Variants in TRAPPC12 observed in about 807,000 individuals in gnomAD.
TRAPPC12 encodes TPR repeat protein 15.
A neutral mutation model predicts 69.2 loss-of-function variants in TRAPPC12; 61 were observed. The observed-to-expected ratio is 0.88, with a 90% CI of 0.72 to 1.09. The LOEUF (loss-of-function observed/expected upper bound fraction) is 1.09, where lower values mean the gene tolerates loss of function less well. Ranked by LOEUF, TRAPPC12 falls within the 50% of genes least tolerant of loss-of-function variation. The pLI, the probability that TRAPPC12 is intolerant of heterozygous loss-of-function variation, is 0.00. For missense variants in TRAPPC12, 1,101 were observed against 1,016.4 expected, an observed-to-expected ratio of 1.08 and a Z score of -1.13; for synonymous variants, 469 against 438.9, an observed-to-expected ratio of 1.07 and a Z score of -0.86.
chr2:3,426,678 C>T (rs1346405793), intron 5 of TRAPPC12, among the ~76,000 whole-genome samples: 1 of 152,262 alleles, frequency 6.6e-6, no homozygotes, highest in African/African-American at 2.4e-5. Context: ...TTACCTCTTC[C>T]CTGGGGTATT....
intron 7 of TRAPPC12, chr2:3,458,035 C>G (rs538769647): frequency 9.4e-7 from 1 of 1,062,138 alleles, no homozygotes; most frequent in Non-Finnish European, 1.1e-6. Flanking sequence ...GCCTCTGCGT[C>G]GGGGAGAGAG....
At chr2:3,410,654 G>A (rs796180714) in intron 3 of TRAPPC12, among the ~76,000 whole-genome samples, 14 of 151,536 alleles carry the variant, frequency 9.2e-5, no homozygotes, top group African/African-American at 3.1e-4. Context: ...TAAAAAATAC[G>A]TAAGTATCCA....
intron 8 of TRAPPC12, among the ~76,000 whole-genome samples, 192 bp from the exon 9 acceptor site, chr2:3,465,405 C>T (rs187109432): frequency 1.4e-4 from 22 of 152,320 alleles, no homozygotes; most frequent in South Asian, 4.1e-4. Flanking sequence ...AATCCCGGCC[C>T]GACTGCAGTC....
Position 3,402,301 on chromosome 2 carries a change from A to G in TRAPPC12, c.1164+408A>G, listed in dbSNP as rs1186720972. Among the ~76,000 whole-genome samples, 7 of 152,306 alleles carry G rather than the reference A, an allele frequency of 4.6e-5. No individual in the cohort carries two copies. In the East Asian group the frequency reaches 1.4e-3, roughly 29 times the overall value. ...TCATGAATTCTATAAGTAGGTTTTT[A>G]AAATTCATGGCTGGGCGCAGTGGCT... is the stretch of plus-strand genomic sequence containing the variant. On this transcript the variant is annotated intron_variant, in intron 3 of 11. Transcript: ENST00000324266.
chr2:3,387,109 T>A (rs1660528959), intron 1 of TRAPPC12, among the ~76,000 whole-genome samples: 1 of 152,126 alleles, frequency 6.6e-6, no homozygotes, highest in Admixed American at 6.5e-5. Context: ...CCACAATAGC[T>A]AAAAGATGGG....
At chr2:3,398,957 A>G (rs574976274) in intron 2 of TRAPPC12, among the ~76,000 whole-genome samples, 3 of 152,146 alleles carry the variant, frequency 2.0e-5, no homozygotes, top group African/African-American at 7.2e-5. Flanking sequence ...CCCTGGGGGA[A>G]GTTCCCTCCC....
At chr2:3,409,896 G>A (rs1334753981) in intron 3 of TRAPPC12, among the ~76,000 whole-genome samples, 1 of 152,124 alleles carries the variant, frequency 6.6e-6, no homozygotes, top group African/African-American at 2.4e-5. Context: ...GAATTGCAGT[G>A]GGGGCTCTCC....
chr2:3,385,905 C>G (rs1295985604), intron 1 of TRAPPC12, among the ~76,000 whole-genome samples: 1 of 152,256 alleles, frequency 6.6e-6, no homozygotes, highest in Non-Finnish European at 1.5e-5. Context: ...TTACCATGCA[C>G]AGGGGGCTCC....
chr2:3,473,150 C>T (rs955647349), intron 9 of TRAPPC12, among the ~76,000 whole-genome samples: 1 of 151,818 alleles, frequency 6.6e-6, no homozygotes, highest in Non-Finnish European at 1.5e-5. Context: ...GCCTGGTTCC[C>T]AGCAGGCCCT....
rs77895331 is a variant in TRAPPC12 at position 3,444,887 on chromosome 2, T to C, written c.1530+996T>C. On this transcript the variant is annotated intron_variant, in intron 6 of 11. Transcript: ENST00000324266. Reference sequence around the variant, plus strand: ...TAACTTAAAAGATAAAAAGAAAAATTGTTTGCTTTCTGTACTATATCAGTT... The same window carrying C: ...TAACTTAAAAGATAAAAAGAAAAATCGTTTGCTTTCTGTACTATATCAGTT... 0.017 allele frequency among the ~76,000 whole-genome samples: 2,620 copies of C among 152,328 alleles called. 109 individuals carry two copies. In the East Asian group the frequency reaches 0.17, roughly 10 times the overall value.
intron 5 of TRAPPC12, among the ~76,000 whole-genome samples, chr2:3,436,077 C>T (rs188788326): frequency 6.6e-6 from 1 of 152,192 alleles, no homozygotes; most frequent in African/African-American, 2.4e-5. Context: ...GGAGGGCAGG[C>T]CCTGATGCAG....
intron 6 of TRAPPC12, chr2:3,457,023 C>T (rs990868669): frequency 1.2e-4 from 54 of 453,052 alleles, no homozygotes; most frequent in East Asian, 2.1e-4. Flanking sequence ...TGTCGCCCCA[C>T]GCCATAGGGA....
chr2:3,395,812 C>G (rs2103453138), intron 2 of TRAPPC12, among the ~76,000 whole-genome samples: 1 of 152,126 alleles, frequency 6.6e-6, no homozygotes, highest in African/African-American at 2.4e-5. Flanking sequence ...TCACTCCAAC[C>G]TCCACCTCCC....
chr2:3,463,618 C>T (rs1012920106), intron 8 of TRAPPC12, among the ~76,000 whole-genome samples: 8 of 150,886 alleles, frequency 5.3e-5, no homozygotes, highest in East Asian at 1.9e-4. Context: ...ACTGAAAGAG[C>T]GGTTAGGGTG....
chr2:3,413,643 AAAG>A (rs1446382895), intron 3 of TRAPPC12, among the ~76,000 whole-genome samples: 2 of 152,234 alleles, frequency 1.3e-5, no homozygotes, highest in Non-Finnish European at 2.9e-5. Flanking sequence ...TTTTTTAAAA[AAAG>A]ACGACAAGGA....
At chr2:3,466,087 A>C (rs1430150668) in intron 9 of TRAPPC12, among the ~76,000 whole-genome samples, 2 of 152,360 alleles carry the variant, frequency 1.3e-5, no homozygotes, top group Non-Finnish European at 2.9e-5. Context: ...CTGGACAGAC[A>C]AAGTCCAGAC....
chr2:3,468,549 G>A (rs983580273), intron 9 of TRAPPC12, among the ~76,000 whole-genome samples: 4 of 152,146 alleles, frequency 2.6e-5, no homozygotes, highest in African/African-American at 4.8e-5. Context: ...GTAACTTGCT[G>A]TCTTTCCTAT....
chr2:3,474,755 T>C (rs1318351020), intron 9 of TRAPPC12, among the ~76,000 whole-genome samples: 1 of 152,210 alleles, frequency 6.6e-6, no homozygotes, highest in Non-Finnish European at 1.5e-5. Context: ...TCTGGAAAAC[T>C]TGAGTAATGT....
intron 1 of TRAPPC12, among the ~76,000 whole-genome samples, chr2:3,382,645 G>A (rs796359563): frequency 4.6e-5 from 7 of 152,244 alleles, no homozygotes; most frequent in African/African-American, 1.7e-4. Context: ...TTTTACTGAG[G>A]CGAAGCACGT....
Sources: gnomAD v4.1 joint callset for allele counts (sites outside exome capture counted in the v4.1 genomes callset) on GRCh38, gnomAD v4.1.1 for gene constraint, MANE v1.5 for transcripts, NCBI Gene and HGNC (gene_info 2026-07-23, HGNC 2026-07-21) for gene names.